The following TMEM53 variants were observed in gnomAD, a reference collection of about 807,000 sequenced individuals.
TMEM53 encodes the protein novel DUF829 domain-containing protein.
In TMEM53, 14 loss-of-function variants were observed where a neutral mutation model predicts 21.4. The ratio of observed to expected loss-of-function variants is 0.65; its 90% CI spans 0.43 to 1.02. TMEM53 has a LOEUF of 1.02. Among genes scored for constraint, TMEM53 ranks in the 50% least tolerant of loss-of-function variants. The pLI is 0.00. For missense variants in TMEM53, 323 were observed against 383.6 expected, an observed-to-expected ratio of 0.84 and a Z score of 1.32; for synonymous variants, 148 against 157.4, an observed-to-expected ratio of 0.94 and a Z score of 0.45.
chr1:44,665,592 A>G (rs112193406), intron 1 of TMEM53, among the ~76,000 whole-genome samples: 34,438 of 150,520 alleles, frequency 0.23, 5,217 homozygotes, highest in Middle Eastern at 0.36. Flanking sequence ...CAGAGATTGC[A>G]CCATTGCACT....
chr1:44,665,433 T>C lies in TMEM53; in HGVS notation c.62-5138A>G, dbSNP rs529002054. ...AGGTAGATCACTTGAGGTCAGGAGT[T>C]GGGGACCAGCCTGACCAACATGGTG... On this transcript the variant is annotated intron_variant, in intron 1 of 2. Coordinates refer to ENST00000372237, the MANE Select transcript of TMEM53 (RefSeq NM_024587.4). 8.4e-4 allele frequency among the ~76,000 whole-genome samples: 128 copies of C among 152,224 alleles called. 1 individual carries two copies. The highest frequency in any genetic ancestry group is 3.4e-3 in the Middle Eastern group (1 of 294).
intron 1 of TMEM53, chr1:44,674,100 G>T (rs1274121998): frequency 2.0e-6 from 2 of 985,448 alleles, no homozygotes; most frequent in East Asian, 1.1e-4. Flanking sequence ...GGTCCCAAGC[G>T]AGCAGCTGAC....
intron 1 of TMEM53, among the ~76,000 whole-genome samples, chr1:44,666,645 T>C (rs1368382538): frequency 6.6e-6 from 1 of 152,206 alleles, no homozygotes; most frequent in Non-Finnish European, 1.5e-5. Flanking sequence ...TGACTTCATT[T>C]ATATAAAATA....
chr1:44,654,687 G>A lies in TMEM53; in HGVS notation c.706C>T (p.Leu236=). The change falls in exon 3 of 3, where the codon CTG becomes TTG. Residue 236 remains leucine (L), a synonymous_variant. Coordinates refer to ENST00000372237, the MANE Select transcript of TMEM53 (RefSeq NM_024587.4). This position sits in a 1 kb window ranked among gnomAD's most constrained non-coding sequence, Gnocchi z 7.0. ...RDIERMVEAR[L]ARRVLARSVD... The stretch of plus-strand genomic sequence containing the variant: ...GAACGCGCCAGGACCCGGCGTGCCA[G>A]GCGTGCCTCCACCATGCGTTCTATG... The A allele has an allele frequency of 6.2e-7, 1 of 1,614,184 alleles. No individual in the cohort carries two copies. The highest frequency in any genetic ancestry group is 8.5e-7 in the Non-Finnish European group (1 of 1,180,040).
chr1:44,659,518 C>T (rs1644880045), intron 2 of TMEM53, among the ~76,000 whole-genome samples: 1 of 152,180 alleles, frequency 6.6e-6, no homozygotes. Flanking sequence ...TCCAAGAGGC[C>T]CTACTAGTCT....
At chr1:44,659,946 C>T (rs1331007725) in intron 2 of TMEM53, among the ~76,000 whole-genome samples, 1 of 151,350 alleles carries the variant, frequency 6.6e-6, no homozygotes, top group African/African-American at 2.4e-5. Flanking sequence ...GCAACCTCCA[C>T]CTCCTGGGCT....
In TMEM53 at chr1:44,660,134, C is replaced by T; in HGVS notation, c.183+40G>A. The T allele has an allele frequency of 2.5e-6, 4 of 1,599,492 alleles. No homozygotes were observed. In the East Asian group the frequency reaches 6.8e-5, roughly 27 times the overall value. On this transcript the variant is annotated intron_variant, in intron 2 of 2. Coordinates refer to ENST00000372237, the MANE Select transcript of TMEM53 (RefSeq NM_024587.4). Reference sequence around the variant, plus strand: ...CAGTCCTGCCTCAAAGGTGGTCAGCCCTCACGGCAGCCCAGGGGAGAGGGC... The same window carrying T: ...CAGTCCTGCCTCAAAGGTGGTCAGCTCTCACGGCAGCCCAGGGGAGAGGGC...
At chr1:44,669,532 G>C (rs1484262862) in intron 1 of TMEM53, among the ~76,000 whole-genome samples, 1 of 152,174 alleles carries the variant, frequency 6.6e-6, no homozygotes, top group East Asian at 1.9e-4. Flanking sequence ...CTTTGGGCAA[G>C]ACACTTTACC....
chr1:44,664,407 G>A (rs754343665), intron 1 of TMEM53, among the ~76,000 whole-genome samples: 2 of 149,660 alleles, frequency 1.3e-5, no homozygotes, highest in East Asian at 3.9e-4. Flanking sequence ...AGCCGAGATC[G>A]CGCCATTGCA....
rs1047110654 is a variant in TMEM53 at position 44,654,311 on chromosome 1, C to T, written c.*248G>A. The T allele has an allele frequency of 5.9e-6, 3 of 509,050 alleles. No homozygotes were observed. The highest frequency in any genetic ancestry group is 1.9e-5 in the African/African-American group (1 of 52,488). The allele number at this position is 509,050 out of a possible 1,614,324, so 31.5% of individuals were successfully genotyped here. On this transcript the variant is annotated 3_prime_UTR_variant, in exon 3 of 3. Coordinates refer to ENST00000372237, the MANE Select transcript of TMEM53 (RefSeq NM_024587.4). The surrounding 1 kb of genome is among the most constrained non-coding windows in gnomAD (Gnocchi z 7.0). ...AGCCTGACTGTTGCACTTGTCCAAA[C>T]ACAACTGACTGCAAGGCTCCCACAG... is the stretch of plus-strand genomic sequence containing the variant.
intron 2 of TMEM53, among the ~76,000 whole-genome samples, chr1:44,656,498 ACT>A (rs1273412027): frequency 1.3e-5 from 2 of 152,046 alleles, no homozygotes; most frequent in Non-Finnish European, 2.9e-5. Context: ...CCCTCCCAAG[ACT>A]CTGAAGAGGA....
In TMEM53 at chr1:44,670,451, G is replaced by A. The variant is rs182744620; in HGVS notation, c.61+3880C>T. ...CTTCTGAGATCTGCATGTTCAAGGTGGTATGGCCATGGACTTGACTTCCAC... is the reference window on the plus strand; with the variant it reads ...CTTCTGAGATCTGCATGTTCAAGGTAGTATGGCCATGGACTTGACTTCCAC... On this transcript the variant is annotated intron_variant, in intron 1 of 2. Transcript: ENST00000372237. 2.0e-5 allele frequency among the ~76,000 whole-genome samples: 3 copies of A among 152,276 alleles called. No homozygotes were observed. The East Asian group carries it at 5.8e-4, about 29-fold the overall frequency.
chr1:44,663,134 C>G (rs1366174951), intron 1 of TMEM53, among the ~76,000 whole-genome samples: 1 of 152,202 alleles, frequency 6.6e-6, no homozygotes, highest in Non-Finnish European at 1.5e-5. Flanking sequence ...CTCACTGCAG[C>G]CTCAACCTCC....
At position 44,673,606 on chromosome 1, in the gene TMEM53, G is replaced by A. The variant is rs575363195; in HGVS notation, c.61+725C>T. 2.0e-5 allele frequency among the ~76,000 whole-genome samples: 3 copies of A among 152,324 alleles called. No individual in the cohort carries two copies. The South Asian group carries it at 6.2e-4, about 32-fold the overall frequency. ...TCCTACATGTCTTTCTTTAATGTAA[G>A]GAGAGAAACAATGCTGATCGTAAAT... is the stretch of plus-strand genomic sequence containing the variant. On this transcript the variant is annotated intron_variant, in intron 1 of 2. Transcript: ENST00000372237.
At chr1:44,656,462 C>T (rs191101583) in intron 2 of TMEM53, among the ~76,000 whole-genome samples, 49 of 152,260 alleles carry the variant, frequency 3.2e-4, no homozygotes, top group Admixed American at 9.8e-4. Flanking sequence ...GCCGCCTGAC[C>T]TCCTAGCCCT....
chr1:44,673,822 G>T (rs1397865618), intron 1 of TMEM53: 1 of 982,698 alleles, frequency 1.0e-6, no homozygotes, highest in African/African-American at 1.7e-5. Context: ...AGTTCTACCC[G>T]ACGGCAGAGA....
At chr1:44,667,325 T>C (rs533319002) in intron 1 of TMEM53, among the ~76,000 whole-genome samples, 1 of 151,398 alleles carries the variant, frequency 6.6e-6, no homozygotes, top group African/African-American at 2.4e-5. Flanking sequence ...GTTTTTTTTT[T>C]TTTTGACAGT....
At position 44,654,675 on chromosome 1, in the gene TMEM53, C is replaced by A; in HGVS notation, c.718G>T (p.Val240Phe). ...RMVEARLARRVLARSVDFVSS... is the reference protein window; with the variant it reads ...RMVEARLARRFLARSVDFVSS... ...ACGAAATCCACAGAACGCGCCAGGACCCGGCGTGCCAGGCGTGCCTCCACC... is the reference window on the plus strand; with the variant it reads ...ACGAAATCCACAGAACGCGCCAGGAACCGGCGTGCCAGGCGTGCCTCCACC... Residue 240 changes from valine (V) to phenylalanine (F), a missense_variant, in exon 3 of 3, where the codon GTC becomes TTC. Transcript: ENST00000372237. The surrounding 1 kb of genome is among the most constrained non-coding windows in gnomAD (Gnocchi z 7.0). 1.9e-6 allele frequency: 3 copies of A among 1,614,168 alleles called. No individual in the cohort carries two copies. Among genetic ancestry groups the A allele is most frequent in the Non-Finnish European group, 2.5e-6 (3 of 1,180,038 alleles).
At position 44,655,915 on chromosome 1, in the gene TMEM53, C is replaced by T. The variant is rs1472746174; in HGVS notation, c.184-706G>A. ...GCCCTGAAATTCCAAATACAGTAAA[C>T]ACTTGTTCCTCGAATTCTATAATCT... On this transcript the variant is annotated intron_variant, in intron 2 of 2. Transcript: ENST00000372237. This position sits in a 1 kb window ranked among gnomAD's most constrained non-coding sequence, Gnocchi z 4.4. 1.3e-5 allele frequency among the ~76,000 whole-genome samples: 2 copies of T among 152,202 alleles called. No individual in the cohort carries two copies. The highest frequency in any genetic ancestry group is 4.8e-5 in the African/African-American group (2 of 41,442).
Sources: gnomAD v4.1 joint callset for allele counts (sites outside exome capture counted in the v4.1 genomes callset) on GRCh38, gnomAD v4.1.1 for gene constraint, Gnocchi (gnomAD v3.1) non-coding constraint, MANE v1.5 for transcripts, NCBI Gene and HGNC (gene_info 2026-07-23, HGNC 2026-07-21) for gene names.